The following GRIK2 variants were observed in gnomAD, a reference collection of about 807,000 sequenced individuals.
The protein encoded by GRIK2 is glutamate receptor ionotropic, kainate 2.
GRIK2 carries 32 observed loss-of-function variants against 100.3 expected under a neutral mutation model. That is an observed-to-expected ratio of 0.32 (90% CI 0.24 to 0.43). The LOEUF is 0.43. Ranked by LOEUF, GRIK2 falls within the 20% of genes least tolerant of loss-of-function variation. The pLI is 1.00. For synonymous variants in GRIK2, 417 were observed against 389.4 expected (o/e 1.07, Z -0.83); for missense variants, 843 against 1,114.9 (o/e 0.76, Z 3.47).
intron 7 of GRIK2, among the ~76,000 whole-genome samples, chr6:101,754,562 T>TTTTCCCCAC (rs1326606291): frequency 1.3e-5 from 2 of 152,208 alleles, no homozygotes; most frequent in Non-Finnish European, 2.9e-5. Flanking sequence ...CCAAAAGAGC[T>TTTTCCCCAC]ATAATCCTTT....
At chr6:101,704,760 G>A (rs574607550) in intron 7 of GRIK2, among the ~76,000 whole-genome samples, 90 of 150,746 alleles carry the variant, frequency 6.0e-4, no homozygotes, top group African/African-American at 2.0e-3. Flanking sequence ...TTTTAAATAT[G>A]AGCCTCTAAT....
chr6:101,497,282 A>G (rs1773497258), intron 2 of GRIK2, among the ~76,000 whole-genome samples: 1 of 152,262 alleles, frequency 6.6e-6, no homozygotes, highest in East Asian at 1.9e-4. Flanking sequence ...AACCTCCTGC[A>G]TTGGATGATG....
intron 2 of GRIK2, among the ~76,000 whole-genome samples, chr6:101,535,201 G>A (rs943647710): frequency 6.6e-6 from 1 of 151,704 alleles, no homozygotes; most frequent in Non-Finnish European, 1.5e-5. Flanking sequence ...GTGTGTCAGA[G>A]GGGAACGAAA....
intron 2 of GRIK2, among the ~76,000 whole-genome samples, chr6:101,457,336 A>G (rs962747706): frequency 4.6e-5 from 7 of 152,156 alleles, no homozygotes; most frequent in Admixed American, 3.9e-4. Flanking sequence ...CTTATTGATT[A>G]CAAAGCTTGT....
At chr6:101,984,313 A>C (rs1470460536) in intron 14 of GRIK2, among the ~76,000 whole-genome samples, 1 of 151,696 alleles carries the variant, frequency 6.6e-6, no homozygotes, top group Non-Finnish European at 1.5e-5. Flanking sequence ...GTCAATGGGA[A>C]ATGTAGGAAA....
chr6:101,876,501 A>T (rs1355601215), intron 11 of GRIK2, among the ~76,000 whole-genome samples: 1 of 151,576 alleles, frequency 6.6e-6, no homozygotes, highest in Admixed American at 6.6e-5. Flanking sequence ...ACACACACAC[A>T]CACACACACA....
At chr6:102,040,282 A>T (rs1770495546) in intron 15 of GRIK2, among the ~76,000 whole-genome samples, 1 of 151,516 alleles carries the variant, frequency 6.6e-6, no homozygotes, top group Non-Finnish European at 1.5e-5. Context: ...TACTGATTTA[A>T]TTAGAAATAT....
intron 4 of GRIK2, among the ~76,000 whole-genome samples, chr6:101,637,722 A>G (rs62421388): frequency 1.1e-3 from 171 of 152,234 alleles, no homozygotes; most frequent in Non-Finnish European, 1.8e-3. Flanking sequence ...TCGGCATGAC[A>G]CATACAGTGT....
intron 1 of GRIK2, among the ~76,000 whole-genome samples, chr6:101,397,965 A>C (rs1171228189): frequency 2.0e-5 from 3 of 152,030 alleles, no homozygotes; most frequent in African/African-American, 7.2e-5. Flanking sequence ...ACTTATTTTA[A>C]TAATAAAAAT....
intron 7 of GRIK2, among the ~76,000 whole-genome samples, chr6:101,789,965 G>T (rs887109346): frequency 2.0e-5 from 3 of 152,108 alleles, no homozygotes; most frequent in Admixed American, 6.5e-5. Flanking sequence ...TCTCTTTGAA[G>T]CAATTGTGAA....
rs140863353 is a variant in GRIK2, at chr6:102,029,460, C to T, written c.2086-5881C>T. 6.3e-4 allele frequency among the ~76,000 whole-genome samples: 95 copies of T among 151,382 alleles called. 1 individual carries two copies. The East Asian group carries it at 0.018, about 29-fold the overall frequency. ...GATTAATTTCATTTTTACCTCATCA[C>T]TGATCCTAAGTGCATTTTTATTCCT... On this transcript the variant is annotated intron_variant, in intron 14 of 16. Coordinates refer to ENST00000369134, the MANE Select transcript of GRIK2 (RefSeq NM_021956.5).
intron 14 of GRIK2, among the ~76,000 whole-genome samples, chr6:101,935,167 G>A (rs1175277594): frequency 6.6e-6 from 1 of 151,796 alleles, no homozygotes; most frequent in Non-Finnish European, 1.5e-5. Context: ...CTATCCAGAA[G>A]GAATGCTTTT....
intron 2 of GRIK2, among the ~76,000 whole-genome samples, chr6:101,490,193 C>T (rs1435756810): frequency 1.4e-5 from 2 of 146,668 alleles, no homozygotes; most frequent in Non-Finnish European, 3.0e-5. Flanking sequence ...GTATTTAGAA[C>T]TTACTACATA....
chr6:101,786,966 G>A (rs1779465156), intron 7 of GRIK2, among the ~76,000 whole-genome samples: 1 of 152,030 alleles, frequency 6.6e-6, no homozygotes, highest in African/African-American at 2.4e-5. Context: ...TTTGGTGGAA[G>A]CCATTTTATT....
At chr6:101,968,003 T>C (rs1792798246) in intron 14 of GRIK2, among the ~76,000 whole-genome samples, 1 of 151,714 alleles carries the variant, frequency 6.6e-6, no homozygotes, top group South Asian at 2.1e-4. Flanking sequence ...TAAAGTTCTA[T>C]TGACGCTTGA....
intron 2 of GRIK2, among the ~76,000 whole-genome samples, chr6:101,411,193 C>T (rs1269309617): frequency 1.3e-5 from 2 of 152,020 alleles, no homozygotes; most frequent in Non-Finnish European, 2.9e-5. Flanking sequence ...CCCTTAAATT[C>T]ATTTCTCTTT....
At chr6:101,969,589 A>T (rs922434494) in intron 14 of GRIK2, among the ~76,000 whole-genome samples, 1 of 152,080 alleles carries the variant, frequency 6.6e-6, no homozygotes, top group Non-Finnish European at 1.5e-5. Context: ...ATGATAGAGC[A>T]TATGAAAGGA....
At chr6:101,408,521 A>G (rs1775709015) in intron 2 of GRIK2, among the ~76,000 whole-genome samples, 1 of 152,258 alleles carries the variant, frequency 6.6e-6, no homozygotes, top group Non-Finnish European at 1.5e-5. Context: ...TCTAGCCTGA[A>G]GACCAGCAGA....
At chr6:101,434,376 G>A (rs530103047) in intron 2 of GRIK2, among the ~76,000 whole-genome samples, 1 of 152,310 alleles carries the variant, frequency 6.6e-6, no homozygotes. Context: ...GAATTTCAGA[G>A]CTAGAAGGGA....
Sources: allele counts gnomAD v4.1 joint callset (sites outside exome capture counted in the v4.1 genomes callset), GRCh38; gene constraint gnomAD v4.1.1; transcripts MANE v1.5; gene names NCBI Gene and HGNC (gene_info 2026-07-23, HGNC 2026-07-21).